HS3ST5: variants seen among roughly 807,000 people sequenced by gnomAD.
HS3ST5 encodes heparan sulfate-glucosamine 3-sulfotransferase 5, also known as heparan sulfate glucosamine 3-O-sulfotransferase 5.
A neutral mutation model predicts 25.4 loss-of-function variants in HS3ST5; 10 were observed. The observed-to-expected ratio is 0.39, with a 90% CI of 0.24 to 0.67. The LOEUF (loss-of-function observed/expected upper bound fraction) is 0.67, where lower values mean the gene tolerates loss of function less well. Ranked by LOEUF, HS3ST5 falls within the 30% of genes least tolerant of loss-of-function variation. HS3ST5 has a pLI of 0.44. For missense variants in HS3ST5, 324 were observed against 420.7 expected (o/e 0.77, Z 2.01); for synonymous variants, 170 against 162.4 (o/e 1.05, Z -0.36).
intron 3 of HS3ST5, chr6:114,132,313 GT>G (rs1777375664): frequency 6.6e-6 from 1 of 152,100 alleles, no homozygotes; most frequent in Non-Finnish European, 1.5e-5. Context: ...ATGCGATTTT[GT>G]TTTCAGACAA....
At chr6:114,270,987 T>C (rs139635850) in intron 1 of HS3ST5, among the ~76,000 whole-genome samples, 19 of 152,154 alleles carry the variant, frequency 1.2e-4, no homozygotes, top group African/African-American at 4.6e-4. Flanking sequence ...TATAATAGGT[T>C]ATCATAGAAT....
intron 2 of HS3ST5, among the ~76,000 whole-genome samples, chr6:114,194,906 G>A (rs1780666416): frequency 6.6e-6 from 1 of 152,226 alleles, no homozygotes; most frequent in African/African-American, 2.4e-5. Flanking sequence ...TCTGGCCAGA[G>A]GCCGTGCCTC....
chr6:114,096,405 A>G (rs1775427775), intron 3 of HS3ST5, among the ~76,000 whole-genome samples: 1 of 152,176 alleles, frequency 6.6e-6, no homozygotes, highest in Non-Finnish European at 1.5e-5. Flanking sequence ...GGGTAAGTGT[A>G]CGCTTTTACC....
rs949815415 is a variant in HS3ST5, at chr6:114,057,132, C to T, written c.*125G>A. 7 of 694,366 alleles carry T rather than the reference C, an allele frequency of 1.0e-5. No individual in the cohort carries two copies. Among genetic ancestry groups the T allele is most frequent in the East Asian group, 2.6e-5 (1 of 38,286 alleles). The allele number at this position is 694,366 out of a possible 1,614,324, so 43.0% of individuals were successfully genotyped here. A position where few individuals can be genotyped will look rare whatever the true frequency, so the allele number is the denominator to read the frequency against. ...TGATCTTATATTTGGTCACACACTG[C>T]GTATGTACAAATATACATGGAAAAA... On this transcript the variant is annotated 3_prime_UTR_variant, in exon 5 of 5. Transcript: ENST00000312719.
intron 1 of HS3ST5, among the ~76,000 whole-genome samples, chr6:114,297,601 T>C (rs1390493783): frequency 2.0e-5 from 3 of 152,232 alleles, no homozygotes; most frequent in South Asian, 2.1e-4. Flanking sequence ...GCCTTTCTCC[T>C]GTGGCTCTAA....
intron 3 of HS3ST5, chr6:114,084,731 G>A (rs1392480886): frequency 5.0e-6 from 5 of 998,484 alleles, no homozygotes; most frequent in East Asian, 2.4e-5. Flanking sequence ...GTTAGTGAAG[G>A]TTCCAGGCGT....
At chr6:114,244,470 G>C (rs866814207) in intron 1 of HS3ST5, among the ~76,000 whole-genome samples, 5 of 152,244 alleles carry the variant, frequency 3.3e-5, no homozygotes, top group Middle Eastern at 3.4e-3. Flanking sequence ...TATTTCATAG[G>C]TTCTTCTCAG....
At chr6:114,197,987 G>T (rs1416404755) in intron 2 of HS3ST5, among the ~76,000 whole-genome samples, 1 of 152,022 alleles carries the variant, frequency 6.6e-6, no homozygotes, top group Non-Finnish European at 1.5e-5. Flanking sequence ...AATCTGGATG[G>T]CAAGGAAGCT....
intron 1 of HS3ST5, among the ~76,000 whole-genome samples, chr6:114,288,845 C>T (rs1774450766): frequency 6.6e-6 from 1 of 152,046 alleles, no homozygotes; most frequent in African/African-American, 2.4e-5. Flanking sequence ...ACCATTGCCT[C>T]ATAACCTTGG....
chr6:114,142,030 G>A (rs1314144510), intron 3 of HS3ST5, among the ~76,000 whole-genome samples: 1 of 151,710 alleles, frequency 6.6e-6, no homozygotes, highest in East Asian at 1.9e-4. Context: ...CTGGTTGTTT[G>A]TAATATTCAT....
intron 1 of HS3ST5, among the ~76,000 whole-genome samples, chr6:114,247,081 C>T (rs1019678367): frequency 2.6e-5 from 4 of 152,200 alleles, no homozygotes; most frequent in African/African-American, 7.2e-5. Flanking sequence ...TGTAATGCCA[C>T]TTAATGTTGT....
At chr6:114,234,115 G>A (rs1027779609) in intron 1 of HS3ST5, among the ~76,000 whole-genome samples, 6 of 152,204 alleles carry the variant, frequency 3.9e-5, no homozygotes, top group South Asian at 2.1e-4. Context: ...AAGGGTAGAC[G>A]ATGCAAATTT....
At chr6:114,093,224 C>T (rs1379317709) in intron 3 of HS3ST5, among the ~76,000 whole-genome samples, 1 of 152,104 alleles carries the variant, frequency 6.6e-6, no homozygotes, top group African/African-American at 2.4e-5. Context: ...TGTTAAAGAA[C>T]CTGGCTTTCA....
chr6:114,301,111 CTG>C (rs1456516030), intron 1 of HS3ST5, among the ~76,000 whole-genome samples: 3 of 152,062 alleles, frequency 2.0e-5, no homozygotes, highest in African/African-American at 4.8e-5. Context: ...TCACAGAACT[CTG>C]TGAATGTACT....
chr6:114,223,475 C>A (rs537889300), intron 2 of HS3ST5, among the ~76,000 whole-genome samples: 1 of 151,808 alleles, frequency 6.6e-6, no homozygotes, highest in East Asian at 1.9e-4. Context: ...AGGCAGGAAA[C>A]CTGCTGCGAG....
chr6:114,110,899 T>A (rs749777725), intron 3 of HS3ST5, among the ~76,000 whole-genome samples: 1 of 152,230 alleles, frequency 6.6e-6, no homozygotes, highest in African/African-American at 2.4e-5. Flanking sequence ...AATTTCATTC[T>A]CTTCAAAAAG....
At chr6:114,227,073 A>G (rs1321198542) in intron 2 of HS3ST5, among the ~76,000 whole-genome samples, 1 of 151,844 alleles carries the variant, frequency 6.6e-6, no homozygotes, top group African/African-American at 2.4e-5. Flanking sequence ...GCACAATTCT[A>G]ATAACAAGTG....
chr6:114,168,021 A>G (rs1488485546), intron 3 of HS3ST5, among the ~76,000 whole-genome samples: 1 of 152,206 alleles, frequency 6.6e-6, no homozygotes, highest in Non-Finnish European at 1.5e-5. Flanking sequence ...AATCAGTTTC[A>G]TGATAACTTC....
chr6:114,214,031 G>A (rs535154514), intron 2 of HS3ST5, among the ~76,000 whole-genome samples: 33 of 152,120 alleles, frequency 2.2e-4, no homozygotes, highest in African/African-American at 7.5e-4. Flanking sequence ...TCTGTTTTCT[G>A]TCCCAGGAAA....
Sources: allele counts gnomAD v4.1 joint callset (sites outside exome capture counted in the v4.1 genomes callset), GRCh38; gene constraint gnomAD v4.1.1; transcripts MANE v1.5; gene names NCBI Gene and HGNC (gene_info 2026-07-23, HGNC 2026-07-21).